The following HDAC9 variants were observed in gnomAD, a reference collection of about 807,000 sequenced individuals.
The protein encoded by HDAC9 is histone deacetylase 9.
A neutral mutation model predicts 139.4 loss-of-function variants in HDAC9; 41 were observed. The ratio of observed to expected loss-of-function variants is 0.29; its 90% CI spans 0.23 to 0.38. The LOEUF is 0.38. HDAC9 is among the 10% of genes least tolerant of loss of function. The probability of loss-of-function intolerance (pLI) is 1.00; values close to 1 mark genes in which losing one functional copy is unlikely to be tolerated. For missense variants in HDAC9, 1,147 were observed against 1,297.0 expected (o/e 0.88, Z 1.78); for synonymous variants, 517 against 476.2 (o/e 1.09, Z -1.12).
At chr7:18,122,024 A>G (rs1784394210) in intron 1 of HDAC9, among the ~76,000 whole-genome samples, 1 of 152,302 alleles carries the variant, frequency 6.6e-6, no homozygotes, top group South Asian at 2.1e-4. Context: ...TTTCTTCAAC[A>G]TGCCAGTTCC....
At chr7:18,356,361 T>TTTTTTG (rs1554388621) in intron 1 of HDAC9, among the ~76,000 whole-genome samples, 10 of 126,602 alleles carry the variant, frequency 7.9e-5, no homozygotes, top group South Asian at 3.1e-4. Flanking sequence ...CACATAGGTT[T>TTTTTTG]TTTTTTTTTT....
At chr7:18,496,899 T>C (rs542585727) in intron 2 of HDAC9, among the ~76,000 whole-genome samples, 8 of 152,148 alleles carry the variant, frequency 5.3e-5, no homozygotes, top group Non-Finnish European at 1.0e-4. Flanking sequence ...TATTAGCAGA[T>C]GCTTATTTTA....
chr7:18,146,720 G>A (rs1382666507), intron 1 of HDAC9, among the ~76,000 whole-genome samples: 1 of 152,052 alleles, frequency 6.6e-6, no homozygotes, highest in Non-Finnish European at 1.5e-5. Context: ...AAACAATTTG[G>A]TTCCAGTATT....
At chr7:18,458,476 A>G (rs1448444824) in intron 1 of HDAC9, among the ~76,000 whole-genome samples, 1 of 152,180 alleles carries the variant, frequency 6.6e-6, no homozygotes, top group Non-Finnish European at 1.5e-5. Context: ...CACTAATATT[A>G]TTAATACTCT....
At chr7:18,767,058 T>C in intron 15 of HDAC9, 48 bp from the exon 16 acceptor site, 1 of 905,584 alleles carries the variant, frequency 1.1e-6, no homozygotes, top group Non-Finnish European at 1.6e-6. Context: ...TTTTAAAAAT[T>C]ATATAACCTC....
At chr7:18,184,574 G>A (rs1789757790) in intron 2 of HDAC9, among the ~76,000 whole-genome samples, 1 of 152,120 alleles carries the variant, frequency 6.6e-6, no homozygotes, top group South Asian at 2.1e-4. Context: ...GTAAGGTGAG[G>A]AATTTCCACG....
chr7:18,258,831 A>G (rs1460251892), intron 2 of HDAC9, among the ~76,000 whole-genome samples: 1 of 152,164 alleles, frequency 6.6e-6, no homozygotes, highest in Admixed American at 6.5e-5. Flanking sequence ...AGTATTTTAG[A>G]CAATGTAATA....
chr7:18,773,348 T>G (rs1790474449), intron 16 of HDAC9, among the ~76,000 whole-genome samples: 1 of 149,954 alleles, frequency 6.7e-6, no homozygotes, highest in Non-Finnish European at 1.5e-5. Flanking sequence ...AAGACCTATT[T>G]TTTTAAAAAA....
At position 18,966,110 on chromosome 7, in the gene HDAC9, C is replaced by T. The variant is rs1424500791; in HGVS notation, c.3023-9696C>T. ...TTTGCTTTAGCTTCTATCATTGTTT[C>T]CTCTGGTTGTATGAGAAATGCGTGG... On this transcript the variant is annotated intron_variant, in intron 24 of 25. Coordinates refer to ENST00000686413, the MANE Select transcript of HDAC9 (RefSeq NM_178425.4). Among the ~76,000 whole-genome samples the T allele has an allele frequency of 3.3e-5, 5 of 152,150 alleles. No individual in the cohort carries two copies. The East Asian group carries it at 9.6e-4, about 29-fold the overall frequency.
chr7:18,757,375 T>C (rs1355529115), intron 14 of HDAC9, among the ~76,000 whole-genome samples: 1 of 152,158 alleles, frequency 6.6e-6, no homozygotes, highest in Non-Finnish European at 1.5e-5. Flanking sequence ...AAATGGAGTT[T>C]TCCCCAGTGG....
At chr7:18,991,527 C>T (rs1299879966) in intron 25 of HDAC9, among the ~76,000 whole-genome samples, 3 of 152,052 alleles carry the variant, frequency 2.0e-5, no homozygotes, top group African/African-American at 4.8e-5. Context: ...GTCCCAGCTG[C>T]TCAGGAGGCT....
intron 1 of HDAC9, among the ~76,000 whole-genome samples, chr7:18,394,249 T>C (rs1220152012): frequency 6.6e-6 from 1 of 152,150 alleles, no homozygotes; most frequent in Non-Finnish European, 1.5e-5. Flanking sequence ...CTTAATCTTA[T>C]TACTAAAATT....
intron 2 of HDAC9, among the ~76,000 whole-genome samples, chr7:18,208,996 A>T (rs1246910492): frequency 1.3e-5 from 2 of 152,182 alleles, no homozygotes; most frequent in Non-Finnish European, 2.9e-5. Flanking sequence ...GAATAAACAA[A>T]AGTAATTAGT....
At chr7:18,575,314 A>T (rs557846815) in intron 2 of HDAC9, among the ~76,000 whole-genome samples, 3 of 152,284 alleles carry the variant, frequency 2.0e-5, no homozygotes, top group Non-Finnish European at 4.4e-5. Flanking sequence ...ACATTTATTA[A>T]TTTAATTTTT....
chr7:18,628,507 C>G (rs1781387665), intron 6 of HDAC9, among the ~76,000 whole-genome samples: 1 of 152,192 alleles, frequency 6.6e-6, no homozygotes, highest in Admixed American at 6.5e-5. Context: ...CCACCATCCA[C>G]TTCTGCTGCA....
chr7:18,474,682 G>A (rs944424855), intron 1 of HDAC9, among the ~76,000 whole-genome samples: 1 of 151,982 alleles, frequency 6.6e-6, no homozygotes, highest in Non-Finnish European at 1.5e-5. Flanking sequence ...TGGTTTCAGG[G>A]TATTAGTGAA....
At chr7:18,683,603 T>A (rs1468465844) in intron 12 of HDAC9, among the ~76,000 whole-genome samples, 1 of 152,140 alleles carries the variant, frequency 6.6e-6, no homozygotes, top group East Asian at 1.9e-4. Flanking sequence ...CCGCTGATAA[T>A]TGTAATAGTT....
intron 16 of HDAC9, among the ~76,000 whole-genome samples, chr7:18,786,082 TTCTC>T (rs1791689177): frequency 1.3e-5 from 2 of 152,158 alleles, no homozygotes; most frequent in Non-Finnish European, 2.9e-5. Context: ...TTTTATTACT[TTCTC>T]TATGTATTTT....
In HDAC9 at chr7:19,000,064, C is replaced by A. The variant is rs547673491; in HGVS notation, c.*4002C>A. ...AGTAAAAAACAACACACCTGTTGAACTATTTTCATAAAGATGGCGTTTTCA... is the reference window on the plus strand; with the variant it reads ...AGTAAAAAACAACACACCTGTTGAAATATTTTCATAAAGATGGCGTTTTCA... On this transcript the variant is annotated 3_prime_UTR_variant, in exon 26 of 26. Coordinates refer to ENST00000686413, the MANE Select transcript of HDAC9 (RefSeq NM_178425.4). The A allele has an allele frequency of 3.3e-5, 5 of 152,316 alleles. No individual in the cohort carries two copies. The highest frequency in any genetic ancestry group is 1.2e-4 in the African/African-American group (5 of 41,570). 9.4% of individuals were successfully genotyped at this position (152,316 alleles called of 1,614,324 possible).
Sources: gnomAD v4.1 joint callset for allele counts (sites outside exome capture counted in the v4.1 genomes callset) on GRCh38, gnomAD v4.1.1 for gene constraint, MANE v1.5 for transcripts, NCBI Gene and HGNC (gene_info 2026-07-23, HGNC 2026-07-21) for gene names.